The following C5orf24 variants were observed in gnomAD, a reference collection of about 807,000 sequenced individuals.
C5orf24 encodes chromosome 5 open reading frame 24, also known as UPF0461 protein C5orf24.
In C5orf24, 4 loss-of-function variants were observed where a neutral mutation model predicts 9.8. The ratio of observed to expected loss-of-function variants is 0.41; its 90% CI spans 0.20 to 0.93. C5orf24 has a LOEUF of 0.93. Among genes scored for constraint, C5orf24 ranks in the 40% least tolerant of loss-of-function variants. The pLI is 0.33. For missense variants in C5orf24, 170 were observed against 236.9 expected (o/e 0.72, Z 1.85); for synonymous variants, 73 against 81.3 (o/e 0.90, Z 0.55).
At position 134,853,528 on chromosome 5, in the gene C5orf24, C is replaced by CTTTTTTTT. The variant is rs773207000; in HGVS notation, c.-3-1354_-3-1347dup. Among the ~76,000 whole-genome samples the CTTTTTTTT allele has an allele frequency of 7.8e-3, 816 of 104,268 alleles. 1 individual carries two copies. Among genetic ancestry groups the CTTTTTTTT allele is most frequent in the Middle Eastern group, 0.018 (3 of 164 alleles). 68.4% of individuals were successfully genotyped at this position (104,268 alleles called of 152,430 possible). A position where few individuals can be genotyped will look rare whatever the true frequency, so the allele number is the denominator to read the frequency against. ...GACTTTGGACCTTCTTCTTCTTCTT[C>CTTTTTTTT]TTTTTTTTTTTTTTTTTTTTTTTCT... On this transcript the variant is annotated intron_variant, in intron 1 of 1. Coordinates refer to ENST00000394976, the MANE Select transcript of C5orf24 (RefSeq NM_001135586.1).
upstream of C5orf24, among the ~76,000 whole-genome samples, chr5:134,843,006 G>A (rs1404543601): frequency 1.3e-5 from 2 of 149,892 alleles, no homozygotes; most frequent in Non-Finnish European, 3.0e-5. Flanking sequence ...TTTTGAGACA[G>A]TCTCACTGTT....
In C5orf24 at chr5:134,857,516, A is replaced by G. The variant is rs925927246; in HGVS notation, c.*2049A>G. 20 of 1,270,994 alleles carry G rather than the reference A, an allele frequency of 1.6e-5. No homozygotes were observed. The African/African-American group carries it at 1.7e-4, about 11-fold the overall frequency. 78.7% of individuals were successfully genotyped at this position (1,270,994 alleles called of 1,614,324 possible). A position where few individuals can be genotyped will look rare whatever the true frequency, so the allele number is the denominator to read the frequency against. On this transcript the variant is annotated 3_prime_UTR_variant, in exon 2 of 2. Coordinates refer to ENST00000394976, the MANE Select transcript of C5orf24 (RefSeq NM_001135586.1). The stretch of plus-strand genomic sequence containing the variant: ...CAACAATATTAGCTTTGCACAAACC[A>G]TAGAGAACGATGTTGGATGGTTACA...
rs1756388906 is a variant in C5orf24 at position 134,859,304 on chromosome 5, T to C, written c.*3837T>C. 6.0e-6 allele frequency: 1 copy of C among 167,106 alleles called. No individual in the cohort carries two copies. The highest frequency in any genetic ancestry group is 1.5e-5 in the Non-Finnish European group (1 of 68,112). 10.4% of individuals were successfully genotyped at this position (167,106 alleles called of 1,614,324 possible). A position where few individuals can be genotyped will look rare whatever the true frequency, so the allele number is the denominator to read the frequency against. ...AAAAAATTTTGATGCTATTCTATTT[T>C]TGTTTTTATTACAGCTTAACTGTAT... On this transcript the variant is annotated 3_prime_UTR_variant, in exon 2 of 2. Transcript: ENST00000394976.
intron 1 of C5orf24, among the ~76,000 whole-genome samples, chr5:134,852,789 C>T (rs747590342): frequency 1.3e-5 from 2 of 152,226 alleles, no homozygotes; most frequent in Non-Finnish European, 2.9e-5. Context: ...ATAATCCCAG[C>T]ACTTTGGGAG....
At chr5:134,851,514 G>A (rs1756160167) in intron 1 of C5orf24, among the ~76,000 whole-genome samples, 2 of 150,374 alleles carry the variant, frequency 1.3e-5, no homozygotes, top group Admixed American at 1.3e-4. Context: ...GGAGAGAGGT[G>A]TTGCTACTGA....
chr5:134,846,711 G>C (rs1486640230), intron 1 of C5orf24: 1 of 152,192 alleles, frequency 6.6e-6, no homozygotes, highest in African/African-American at 2.4e-5. Flanking sequence ...AATAAGGAGA[G>C]TCCTTATTTG....
Position 134,857,228 on chromosome 5 carries a change from G to A in C5orf24, c.*1761G>A. On this transcript the variant is annotated 3_prime_UTR_variant, in exon 2 of 2. Transcript: ENST00000394976. ...TAAATGCCTTTGAGATTAAAATGTA[G>A]AATTGCAGGACCCAAAAACTTTTAA... 7.6e-7 allele frequency: 1 copy of A among 1,308,760 alleles called. No homozygotes were observed. The highest frequency in any genetic ancestry group is 2.9e-5 in the East Asian group (1 of 34,838). The allele number at this position is 1,308,760 out of a possible 1,614,324, so 81.1% of individuals were successfully genotyped here.
chr5:134,857,148 A>T lies in C5orf24; in HGVS notation c.*1681A>T. On this transcript the variant is annotated 3_prime_UTR_variant, in exon 2 of 2. Transcript: ENST00000394976. ...TTCTAAATAAAATATTATAAACTTC[A>T]GACTTGAAAAAATTCCACTTAACTT... 7.6e-7 allele frequency: 1 copy of T among 1,313,276 alleles called. No homozygotes were observed. 81.4% of individuals were successfully genotyped at this position (1,313,276 alleles called of 1,614,324 possible). A position where few individuals can be genotyped will look rare whatever the true frequency, so the allele number is the denominator to read the frequency against.
chr5:134,853,090 G>C (rs190027049), intron 1 of C5orf24, among the ~76,000 whole-genome samples: 2 of 150,412 alleles, frequency 1.3e-5, no homozygotes, highest in Non-Finnish European at 3.0e-5. Context: ...GCGTGAACCC[G>C]GGAGGCAGAG....
the C5orf24 span, among the ~76,000 whole-genome samples, chr5:134,840,449 A>G: frequency 6.6e-6 from 1 of 151,822 alleles, no homozygotes; most frequent in Admixed American, 6.6e-5. Flanking sequence ...GTCATGGCTC[A>G]CTGTAGCCCC....
upstream of C5orf24, chr5:134,845,646 A>C (rs1408390027): frequency 6.6e-6 from 1 of 152,174 alleles, no homozygotes; most frequent in Non-Finnish European, 1.5e-5. Context: ...AAGAGTCCCA[A>C]CTCCCCTGAC....
chr5:134,843,587 C>T (rs1336385280), upstream of C5orf24, among the ~76,000 whole-genome samples: 1 of 152,186 alleles, frequency 6.6e-6, no homozygotes, highest in African/African-American at 2.4e-5. Flanking sequence ...GAGACAGTCT[C>T]ATTCTGTCAC....
At chr5:134,851,063 CT>C (rs935382241) in intron 1 of C5orf24, among the ~76,000 whole-genome samples, 110 of 146,692 alleles carry the variant, frequency 7.5e-4, no homozygotes, top group Non-Finnish European at 1.4e-3. Context: ...AGTCACAGAA[CT>C]TTTTTTTTTC....
chr5:134,855,089 C>G lies in C5orf24; in HGVS notation c.189C>G (p.His63Gln), dbSNP rs376967674. 32 of 1,614,010 alleles carry G rather than the reference C, an allele frequency of 2.0e-5. No homozygotes were observed. Among genetic ancestry groups the G allele is most frequent in the Non-Finnish European group, 2.7e-5 (32 of 1,180,030 alleles). Reference sequence around the variant, plus strand: ...GGCAAGACCCATTAAATGAAACACACTTGCAGACTACAAGTGGCAGAAGCA... The same window carrying G: ...GGCAAGACCCATTAAATGAAACACAGTTGCAGACTACAAGTGGCAGAAGCA... ...CQRQDPLNET[H>Q]LQTTSGRSIE... Residue 63 changes from histidine to glutamine, a missense_variant, in exon 2 of 2, where the codon CAC (histidine) becomes CAG (glutamine). Transcript: ENST00000394976.
At chr5:134,839,538 T>G in the C5orf24 span, among the ~76,000 whole-genome samples, 1 of 152,140 alleles carries the variant, frequency 6.6e-6, no homozygotes, top group Non-Finnish European at 1.5e-5. Context: ...GGTATTTTAG[T>G]TTTTTTCAGT....
At chr5:134,841,245 A>G (rs971712939), upstream of C5orf24, among the ~76,000 whole-genome samples, 10 of 152,068 alleles carry the variant, frequency 6.6e-5, no homozygotes, top group East Asian at 1.9e-3. Context: ...TCCAGTTACT[A>G]CAGCTAGATT....
At chr5:134,834,204 G>A in the C5orf24 span, among the ~76,000 whole-genome samples, 2 of 152,274 alleles carry the variant, frequency 1.3e-5, no homozygotes, top group African/African-American at 4.8e-5. Flanking sequence ...TATGTGGGAC[G>A]ATTCAGTGTG....
chr5:134,849,812 C>A (rs1186318676), intron 1 of C5orf24, among the ~76,000 whole-genome samples: 2 of 151,826 alleles, frequency 1.3e-5, no homozygotes, highest in Non-Finnish European at 2.9e-5. Context: ...TGCATGCCTC[C>A]ATGCCCAGCT....
intron 1 of C5orf24, among the ~76,000 whole-genome samples, chr5:134,847,165 A>G (rs1374668261): frequency 6.6e-6 from 1 of 152,268 alleles, no homozygotes; most frequent in Admixed American, 6.5e-5. Context: ...GGAGTTAAAC[A>G]CAATAAAACA....
Sources: allele counts gnomAD v4.1 joint callset (sites outside exome capture counted in the v4.1 genomes callset), GRCh38; gene constraint gnomAD v4.1.1; transcripts MANE v1.5; gene names NCBI Gene and HGNC (gene_info 2026-07-23, HGNC 2026-07-21).